The following LINS1 variants were observed in gnomAD, a reference collection of about 807,000 sequenced individuals.
The protein encoded by LINS1 is lines homolog 1, also known as protein Lines homolog 1.
LINS1 carries 27 observed loss-of-function variants against 41.6 expected under a neutral mutation model. The observed-to-expected ratio is 0.65, with a 90% CI of 0.48 to 0.89. The LOEUF is 0.89. Among genes scored for constraint, LINS1 ranks in the 40% least tolerant of loss-of-function variants. The pLI, the probability that LINS1 is intolerant of heterozygous loss-of-function variation, is 0.00. For missense variants in LINS1, 955 were observed against 884.1 expected (o/e 1.08, Z -1.02); for synonymous variants, 336 against 312.9 (o/e 1.07, Z -0.78).
rs180924277 is a variant in LINS1, at chr15:100,567,545, T to A, written c.*1693A>T. The stretch of plus-strand genomic sequence containing the variant: ...ATTGCAAGCCCCATGTATTTACTTG[T>A]TTTTTACTGGAGATGTTTCACATCC... On this transcript the variant is annotated 3_prime_UTR_variant, in exon 7 of 7. Transcript: ENST00000314742. 190 of 152,326 alleles carry A rather than the reference T, an allele frequency of 1.2e-3. 1 individual carries two copies. Among genetic ancestry groups the A allele is most frequent in the African/African-American group, 4.4e-3 (184 of 41,572 alleles). 9.4% of individuals were successfully genotyped at this position (152,326 alleles called of 1,614,324 possible).
intron 4 of LINS1, 30 bp from the exon 5 acceptor site, chr15:100,574,271 AG>A: frequency 7.3e-7 from 1 of 1,366,840 alleles, no homozygotes; most frequent in Non-Finnish European, 1.0e-6. Context: ...AATTATAAAC[AG>A]GAAAAACAGT....
chr15:100,600,012 G>C (rs996941306), intron 1 of LINS1, among the ~76,000 whole-genome samples: 1 of 152,170 alleles, frequency 6.6e-6, no homozygotes, highest in African/African-American at 2.4e-5. Context: ...GTTGCAGTGA[G>C]CCAAGCTCGC....
intron 1 of LINS1, among the ~76,000 whole-genome samples, chr15:100,600,440 C>T (rs549315254): frequency 1.3e-5 from 2 of 150,126 alleles, no homozygotes; most frequent in South Asian, 4.2e-4. Context: ...GTCTGTTGGG[C>T]CTAGTGCAGG....
intron 3 of LINS1, among the ~76,000 whole-genome samples, chr15:100,578,094 C>G (rs940869196): frequency 6.6e-6 from 1 of 151,988 alleles, no homozygotes; most frequent in Non-Finnish European, 1.5e-5. Context: ...TAGGCAATAC[C>G]ATTCAGGACA....
intron 1 of LINS1, among the ~76,000 whole-genome samples, chr15:100,588,252 C>T (rs577677385): frequency 1.3e-5 from 2 of 152,146 alleles, no homozygotes; most frequent in Non-Finnish European, 2.9e-5. Context: ...CAGTCATGTC[C>T]TTGGGAGCTT....
rs1383641417 is a variant in LINS1 at position 100,569,242 on chromosome 15, A to C, written c.2270T>G (p.Leu757Trp). 1.9e-6 allele frequency: 3 copies of C among 1,577,058 alleles called. No individual in the cohort carries two copies. The highest frequency in any genetic ancestry group is 1.4e-5 in the African/African-American group (1 of 74,026). ...EVISNKTMNT[L>W] ...GGAAAATAAAATGTCAATGTTTTAC[A>C]AAGTGTTCATAGTTTTATTACTTAT... Residue 757 changes from leucine to tryptophan, a missense_variant, in exon 7 of 7, where the codon TTG becomes TGG. Leu to Trp is a moderately conservative substitution (Grantham distance 61). Coordinates refer to ENST00000314742, the MANE Select transcript of LINS1 (RefSeq NM_001040616.3).
At chr15:100,579,423 T>C (rs1171338559) in intron 3 of LINS1, among the ~76,000 whole-genome samples, 1 of 149,318 alleles carries the variant, frequency 6.7e-6, no homozygotes, top group African/African-American at 2.5e-5. Context: ...ATTACTGCAC[T>C]AGCCAGAACT....
chr15:100,583,796 C>T (rs2038677568), intron 1 of LINS1, among the ~76,000 whole-genome samples: 1 of 152,202 alleles, frequency 6.6e-6, no homozygotes, highest in African/African-American at 2.4e-5. Flanking sequence ...AAATAATCTC[C>T]TTAATTGCCT....
intron 1 of LINS1, among the ~76,000 whole-genome samples, chr15:100,591,898 A>G (rs961605490): frequency 2.4e-4 from 37 of 152,292 alleles, no homozygotes; most frequent in African/African-American, 8.7e-4. Flanking sequence ...TGCTTCCATA[A>G]AGATTTATGG....
At chr15:100,601,560 T>C (rs974869898) in intron 1 of LINS1, among the ~76,000 whole-genome samples, 1 of 152,028 alleles carries the variant, frequency 6.6e-6, no homozygotes, top group East Asian at 1.9e-4. Context: ...GCACTACCTA[T>C]CTAATACAGC....
intron 4 of LINS1, 31 bp from the exon 5 acceptor site, chr15:100,574,272 G>A (rs751946535): frequency 2.0e-5 from 27 of 1,365,134 alleles, no homozygotes; most frequent in Non-Finnish European, 2.7e-5. Flanking sequence ...ATTATAAACA[G>A]GAAAAACAGT....
rs1327379748 is a variant in LINS1, at chr15:100,573,717, T to C, written c.1156A>G (p.Ser386Gly). 6.2e-7 allele frequency: 1 copy of C among 1,613,166 alleles called. No individual in the cohort carries two copies. The highest frequency in any genetic ancestry group is 1.7e-5 in the Admixed American group (1 of 59,942). The change falls in exon 5 of 7, where the codon AGC (serine) becomes GGC (glycine). Residue 386 changes from serine (S) to glycine (G), a missense_variant. Ser to Gly is a moderately conservative substitution (Grantham distance 56). Coordinates refer to ENST00000314742, the MANE Select transcript of LINS1 (RefSeq NM_001040616.3). ...TCTAAGGATTTCATTATAACTAAGC[T>C]TGCTGCTCTAAGGATCACATGATCT... ...SPDHVILRAA[S>G]LVIMKSLEIK...
At chr15:100,600,104 T>C (rs1268307956) in intron 1 of LINS1, among the ~76,000 whole-genome samples, 1 of 152,172 alleles carries the variant, frequency 6.6e-6, no homozygotes, top group Non-Finnish European at 1.5e-5. Context: ...AATTTAAAGA[T>C]GTAAATGGCT....
At position 100,580,988 on chromosome 15, in the gene LINS1, C is replaced by A. The variant is rs375970305; in HGVS notation, c.-103-43G>T. 15 of 695,508 alleles carry A rather than the reference C, an allele frequency of 2.2e-5. No homozygotes were observed. In the African/African-American group the frequency reaches 2.3e-4, roughly 11 times the overall value. The allele number at this position is 695,508 out of a possible 1,614,324, so 43.1% of individuals were successfully genotyped here. On this transcript the variant is annotated intron_variant, in intron 1 of 6. Coordinates refer to ENST00000314742, the MANE Select transcript of LINS1 (RefSeq NM_001040616.3). The stretch of plus-strand genomic sequence containing the variant: ...ATTTAAAAATTCTAACTGCTATATG[C>A]TTATTACAAGAGAAAGCAACTGTTT...
chr15:100,596,823 A>C (rs999117379), intron 1 of LINS1: 1 of 152,218 alleles, frequency 6.6e-6, no homozygotes, highest in Non-Finnish European at 1.5e-5. Flanking sequence ...GATGGCCAAA[A>C]ACTTGACTGA....
In LINS1 at chr15:100,569,182, T is replaced by A; in HGVS notation, c.*56A>T. ...TGATGATTTTATACTATTACCTCAT[T>A]GAGACATAATTTATATTAAGGAAAA... On this transcript the variant is annotated 3_prime_UTR_variant, in exon 7 of 7. Coordinates refer to ENST00000314742, the MANE Select transcript of LINS1 (RefSeq NM_001040616.3). The A allele has an allele frequency of 8.2e-7, 1 of 1,220,944 alleles. No homozygotes were observed. The highest frequency in any genetic ancestry group is 1.2e-6 in the Non-Finnish European group (1 of 835,258). The allele number at this position is 1,220,944 out of a possible 1,614,324, so 75.6% of individuals were successfully genotyped here. A position where few individuals can be genotyped will look rare whatever the true frequency, so the allele number is the denominator to read the frequency against.
chr15:100,575,970 A>C (rs1325280853), intron 3 of LINS1, among the ~76,000 whole-genome samples: 1 of 152,230 alleles, frequency 6.6e-6, no homozygotes, highest in East Asian at 1.9e-4. Flanking sequence ...TGTTCTTTGA[A>C]ACCAACAAGA....
Position 100,580,432 on chromosome 15 carries a change from C to A in LINS1, c.399+12G>T. ...TTAAATATCTACATCTTTAGAAAAA[C>A]AAATGGCTTACTAATTTAGAATCGA... On this transcript the variant is annotated intron_variant, in intron 2 of 6. Transcript: ENST00000314742. The A allele has an allele frequency of 6.2e-7, 1 of 1,612,370 alleles. No individual in the cohort carries two copies. The highest frequency in any genetic ancestry group is 8.5e-7 in the Non-Finnish European group (1 of 1,178,598).
chr15:100,586,752 T>C (rs2038817441), intron 1 of LINS1, among the ~76,000 whole-genome samples: 2 of 152,128 alleles, frequency 1.3e-5, no homozygotes, highest in Non-Finnish European at 1.5e-5. Context: ...GATAAACATG[T>C]GGAAAAAATT....
Sources: allele counts gnomAD v4.1 joint callset (sites outside exome capture counted in the v4.1 genomes callset), GRCh38; gene constraint gnomAD v4.1.1; transcripts MANE v1.5; gene names NCBI Gene and HGNC (gene_info 2026-07-23, HGNC 2026-07-21).